The following FADS2 variants were observed in gnomAD, a reference collection of about 807,000 sequenced individuals.
FADS2 encodes the protein fatty acid desaturase 2.
In FADS2, 18 loss-of-function variants were observed where a neutral mutation model predicts 61.2. That is an observed-to-expected ratio of 0.29 (90% CI 0.20 to 0.44). The LOEUF is 0.44. Ranked by LOEUF, FADS2 falls within the 20% of genes least tolerant of loss-of-function variation. The pLI is 1.00. For synonymous variants in FADS2, 203 were observed against 223.9 expected, an observed-to-expected ratio of 0.91 and a Z score of 0.83; for missense variants, 322 against 572.7, an observed-to-expected ratio of 0.56 and a Z score of 4.47.
Position 61,837,813 on chromosome 11 carries a change from C to A in FADS2, c.243C>A (p.Phe81Leu), listed in dbSNP as rs377238578. The A allele has an allele frequency of 6.2e-7, 1 of 1,613,614 alleles. No homozygotes were observed. Among genetic ancestry groups the A allele is most frequent in the East Asian group, 2.2e-5 (1 of 44,866 alleles). ...AFRAFHPDLE[F>L]VGKFLKPLLI... ...GCGCCTTCCACCCTGACCTGGAATT[C>A]GTGGGCAAGTTCTTGAAACCCCTGC... The change falls in exon 2 of 12, where the codon TTC (phenylalanine) becomes TTA (leucine). Residue 81 changes from phenylalanine (F) to leucine (L), a missense_variant. Transcript: ENST00000278840.
At chr11:61,841,421 G>C (rs1180263994) in intron 4 of FADS2, among the ~76,000 whole-genome samples, 1 of 151,464 alleles carries the variant, frequency 6.6e-6, no homozygotes, top group Non-Finnish European at 1.5e-5. Context: ...ACGTTGTGCT[G>C]GGTGTGGTGG....
In FADS2 at chr11:61,816,401, C is replaced by A. The variant is rs754343139; in HGVS notation, c.116C>A (p.Ala39Glu). ...CTCCCGCCTTTTCATCCCGCATCCG[C>A]AGGACACCCAATCACCGGGCAACAG... Residue 39 changes from alanine to glutamate, a missense_variant, in exon 1 of 12, where the codon GCA becomes GAA. Physicochemically the swap from Ala to Glu is moderately radical, Grantham distance 107 (BLOSUM62 -1). Transcript: ENST00000257261. This position sits in a 1 kb window ranked among gnomAD's most constrained non-coding sequence, Gnocchi z 7.0. 1.9e-6 allele frequency: 3 copies of A among 1,598,472 alleles called. No individual in the cohort carries two copies. The African/African-American group carries it at 4.0e-5, about 21-fold the overall frequency.
intron 7 of FADS2, among the ~76,000 whole-genome samples, chr11:61,859,498 A>C (rs2067394519): frequency 6.6e-6 from 1 of 152,238 alleles, no homozygotes; most frequent in Non-Finnish European, 1.5e-5. Flanking sequence ...TGTCCCAGCC[A>C]TTGCAAATCC....
chr11:61,816,570 G>A lies in FADS2; in HGVS notation c.141+144G>A, dbSNP rs749128904. 13 of 1,607,546 alleles carry A rather than the reference G, an allele frequency of 8.1e-6. No homozygotes were observed. The Admixed American group carries it at 2.2e-4, about 27-fold the overall frequency. On this transcript the variant is annotated intron_variant, in intron 1 of 11. Transcript: ENST00000257261. This position sits in a 1 kb window ranked among gnomAD's most constrained non-coding sequence, Gnocchi z 7.0. ...CTGCGCTCACCGTGGCATCCTGCCC[G>A]GCGTAGTGGCTGATGACCCGGGAGC...
At position 61,828,650 on chromosome 11, in the gene FADS2, G is replaced by C; in HGVS notation, c.207+53G>C. 6.5e-7 allele frequency: 1 copy of C among 1,529,722 alleles called. No individual in the cohort carries two copies. The highest frequency in any genetic ancestry group is 8.9e-7 in the Non-Finnish European group (1 of 1,120,964). 94.8% of individuals were successfully genotyped at this position (1,529,722 alleles called of 1,614,324 possible). ...CCTTCTCTGCTGCAGGCGGAGTCAG[G>C]ATCCCTGGCTCCCCGTGGGCCAAAC... On this transcript the variant is annotated intron_variant, in intron 1 of 11. Coordinates refer to ENST00000278840, the MANE Select transcript of FADS2 (RefSeq NM_004265.4). This position sits in a 1 kb window ranked among gnomAD's most constrained non-coding sequence, Gnocchi z 6.4.
chr11:61,866,117 T>C lies in FADS2; in HGVS notation c.*428T>C, dbSNP rs768619914. ...GTTCTTCAGATGCTCTTGGGGTTCA[T>C]AGGGGCAGGTCCTAGTCGGGCAGGG... On this transcript the variant is annotated 3_prime_UTR_variant, in exon 12 of 12. Transcript: ENST00000278840. The C allele has an allele frequency of 1.0e-5, 4 of 400,654 alleles. No homozygotes were observed. Among genetic ancestry groups the C allele is most frequent in the Non-Finnish European group, 1.3e-5 (3 of 227,784 alleles). The allele number at this position is 400,654 out of a possible 1,614,324, so 24.8% of individuals were successfully genotyped here.
chr11:61,851,346 C>A (rs1442982932), intron 5 of FADS2, among the ~76,000 whole-genome samples: 1 of 152,184 alleles, frequency 6.6e-6, no homozygotes, highest in Non-Finnish European at 1.5e-5. Flanking sequence ...CATCTTCTCA[C>A]CCCCGACACT....
At chr11:61,844,668 G>A (rs1203169961) in intron 4 of FADS2, among the ~76,000 whole-genome samples, 1 of 152,168 alleles carries the variant, frequency 6.6e-6, no homozygotes, top group Non-Finnish European at 1.5e-5. Flanking sequence ...GCTCACGCCT[G>A]TAATCCCAGC....
At chr11:61,848,812 C>T (rs1347303600) in intron 5 of FADS2, 1 of 154,978 alleles carries the variant, frequency 6.5e-6, no homozygotes, top group Admixed American at 6.3e-5. Context: ...TGGGAGGAGC[C>T]TCAACGTGGC....
Position 61,853,070 on chromosome 11 carries a change from G to T in FADS2, c.745-3941G>T, listed in dbSNP as rs541787391. ...CTCTGGAGGCTGAGGCAAGAGAATC[G>T]CTTGAACCTGGGAGGCGGAGGTTGC... On this transcript the variant is annotated intron_variant, in intron 5 of 11. Transcript: ENST00000278840. Among the ~76,000 whole-genome samples, 6 of 152,218 alleles carry T rather than the reference G, an allele frequency of 3.9e-5. No individual in the cohort carries two copies. The South Asian group carries it at 1.0e-3, about 26-fold the overall frequency.
At chr11:61,829,736 T>C (rs2067112464) in intron 1 of FADS2, among the ~76,000 whole-genome samples, 1 of 152,168 alleles carries the variant, frequency 6.6e-6, no homozygotes, top group African/African-American at 2.4e-5. Flanking sequence ...AGGGATGAAC[T>C]TGACGTAGAT....
At chr11:61,851,337 A>T (rs1239015994) in intron 5 of FADS2, among the ~76,000 whole-genome samples, 2 of 152,152 alleles carry the variant, frequency 1.3e-5, no homozygotes, top group African/African-American at 2.4e-5. Context: ...CTTTCCCGAC[A>T]TCTTCTCACC....
chr11:61,857,315 AGGCCCC>A (rs2067368773), intron 6 of FADS2, 133 bp from the exon 7 acceptor site: 1 of 813,062 alleles, frequency 1.2e-6, no homozygotes, highest in Admixed American at 1.9e-5. Flanking sequence ...CCTTCTCTGC[AGGCCCC>A]GGGGTCCCTG....
chr11:61,865,548 G>A lies in FADS2; in HGVS notation c.1284-90G>A. 2 of 1,241,920 alleles carry A rather than the reference G, an allele frequency of 1.6e-6. No homozygotes were observed. The highest frequency in any genetic ancestry group is 2.5e-5 in the South Asian group (2 of 78,460). The allele number at this position is 1,241,920 out of a possible 1,614,324, so 76.9% of individuals were successfully genotyped here. ...TGGTTAGGGCCAAGGGGACATACAT[G>A]CCACCTTAATGATGGCCTCCTCAGC... On this transcript the variant is annotated intron_variant, in intron 11 of 11. Coordinates refer to ENST00000278840, the MANE Select transcript of FADS2 (RefSeq NM_004265.4). This position sits in a 1 kb window ranked among gnomAD's most constrained non-coding sequence, Gnocchi z 4.1.
intron 5 of FADS2, among the ~76,000 whole-genome samples, chr11:61,851,769 C>G (rs1241493149): frequency 1.3e-5 from 2 of 152,244 alleles, no homozygotes; most frequent in Non-Finnish European, 2.9e-5. Context: ...CAAGCGGCTC[C>G]CAGCACGTGG....
chr11:61,862,945 T>G, intron 7 of FADS2, 27 bp from the exon 8 acceptor site: 1 of 1,593,682 alleles, frequency 6.3e-7, no homozygotes, highest in Non-Finnish European at 8.6e-7. Flanking sequence ...GAGGGCAGGT[T>G]GCACCTAACT....
chr11:61,864,517 C>T (rs1360852211), intron 10 of FADS2, among the ~76,000 whole-genome samples: 1 of 152,192 alleles, frequency 6.6e-6, no homozygotes, highest in Non-Finnish European at 1.5e-5. Flanking sequence ...CCTCAGCCTC[C>T]CACGTAGCTG....
intron 9 of FADS2, 93 bp from the exon 10 acceptor site, chr11:61,863,614 C>CT: frequency 7.3e-6 from 8 of 1,093,274 alleles, no homozygotes; most frequent in Non-Finnish European, 1.1e-5. Context: ...GACGGGTGGC[C>CT]TGGAGACCCT....
At chr11:61,854,076 G>C (rs1355644472) in intron 5 of FADS2, 2 of 152,314 alleles carry the variant, frequency 1.3e-5, no homozygotes, top group African/African-American at 4.8e-5. Flanking sequence ...GCCTGGGAAG[G>C]CACTGTTGCT....
Sources: allele counts gnomAD v4.1 joint callset (sites outside exome capture counted in the v4.1 genomes callset), GRCh38; gene constraint gnomAD v4.1.1; non-coding constraint Gnocchi (gnomAD v3.1); transcripts MANE v1.5; gene names NCBI Gene and HGNC (gene_info 2026-07-23, HGNC 2026-07-21).